NFX1: variants seen among roughly 807,000 people sequenced by gnomAD.
NFX1 encodes the protein transcriptional repressor NF-X1.
A neutral mutation model predicts 137.2 loss-of-function variants in NFX1; 69 were observed. That is an observed-to-expected ratio of 0.50 (90% CI 0.41 to 0.61). The LOEUF is 0.61. NFX1 is among the 20% of genes least tolerant of loss of function. The pLI is 0.00. For synonymous variants in NFX1, 495 were observed against 474.1 expected (o/e 1.04, Z -0.57); for missense variants, 1,167 against 1,391.0 (o/e 0.84, Z 2.56).
intron 2 of NFX1, among the ~76,000 whole-genome samples, chr9:33,296,345 T>G (rs1356634125): frequency 6.6e-6 from 1 of 152,214 alleles, no homozygotes; most frequent in East Asian, 1.9e-4. Context: ...GATTCTACAC[T>G]TTTTTGTCTT....
At chr9:33,309,821 A>G (rs931111808) in intron 5 of NFX1, among the ~76,000 whole-genome samples, 31 of 152,168 alleles carry the variant, frequency 2.0e-4, no homozygotes, top group African/African-American at 7.2e-4. Context: ...AAAGCTCTCC[A>G]GGCACTTCCA....
At chr9:33,304,722 A>G (rs1587823025) in intron 4 of NFX1, among the ~76,000 whole-genome samples, 1 of 152,210 alleles carries the variant, frequency 6.6e-6, no homozygotes, top group East Asian at 1.9e-4. Flanking sequence ...TATTGACAGA[A>G]TCTCAGCCTT....
In NFX1 at chr9:33,295,217, A is replaced by G; in HGVS notation, c.823A>G (p.Arg275Gly). The part of the protein sequence containing the change: ...EGHRHTNAGH[R>G]NNMGPIPKDD... ...CCACCGACATACAAACGCAGGACAC[A>G]GAAACAACATGGGCCCCATTCCAAA... Residue 275 changes from arginine to glycine, a missense_variant, in exon 2 of 24, where the codon AGA becomes GGA. By Grantham distance (125) the Arg-to-Gly change is moderately radical. Coordinates refer to ENST00000379540, the MANE Select transcript of NFX1 (RefSeq NM_002504.6). 1 of 1,614,208 alleles carries G rather than the reference A, an allele frequency of 6.2e-7. No individual in the cohort carries two copies. The highest frequency in any genetic ancestry group is 2.2e-5 in the East Asian group (1 of 44,886).
intron 15 of NFX1, among the ~76,000 whole-genome samples, chr9:33,349,708 G>C (rs1000260013): frequency 6.6e-6 from 1 of 152,076 alleles, no homozygotes; most frequent in Non-Finnish European, 1.5e-5. Flanking sequence ...TCTATCCCCT[G>C]TTGTCTCTTA....
At chr9:33,343,611 T>A (rs958366256) in intron 13 of NFX1, among the ~76,000 whole-genome samples, 1 of 152,220 alleles carries the variant, frequency 6.6e-6, no homozygotes, top group Admixed American at 6.5e-5. Flanking sequence ...GACTCGGTGT[T>A]TTTATTCTCT....
chr9:33,332,447 A>C, intron 10 of NFX1, 25 bp from the exon 11 acceptor site: 1 of 1,587,674 alleles, frequency 6.3e-7, no homozygotes, highest in Non-Finnish European at 8.6e-7. Context: ...TAAAGTAGTT[A>C]CCATTTCTTT....
chr9:33,359,424 C>T (rs1313160073), intron 19 of NFX1, among the ~76,000 whole-genome samples: 2 of 151,970 alleles, frequency 1.3e-5, no homozygotes, highest in Non-Finnish European at 1.5e-5. Context: ...CATGGTGAAA[C>T]CCTGTCTCTA....
chr9:33,292,804 T>C (rs706124), intron 1 of NFX1, among the ~76,000 whole-genome samples: 2,518 of 152,342 alleles, frequency 0.017, 64 homozygotes, highest in African/African-American at 0.057. Context: ...TCTCTAGACA[T>C]CTTTACTGAT....
intron 15 of NFX1, among the ~76,000 whole-genome samples, chr9:33,350,865 G>A (rs373496384): frequency 3.9e-5 from 6 of 152,224 alleles, no homozygotes; most frequent in African/African-American, 1.4e-4. Flanking sequence ...TAAAAACTGA[G>A]CTGAGTGTGG....
chr9:33,331,338 A>G (rs569894298), intron 10 of NFX1, among the ~76,000 whole-genome samples: 1 of 152,228 alleles, frequency 6.6e-6, no homozygotes, highest in East Asian at 1.9e-4. Flanking sequence ...TTTTCATTTC[A>G]TCACTTTGGT....
intron 2 of NFX1, among the ~76,000 whole-genome samples, chr9:33,298,304 G>A (rs1344979468): frequency 6.6e-6 from 1 of 152,192 alleles, no homozygotes; most frequent in Non-Finnish European, 1.5e-5. Flanking sequence ...TCTAGGCAGA[G>A]GGAGGAGCAA....
At chr9:33,336,527 T>G in intron 11 of NFX1, among the ~76,000 whole-genome samples, 1 of 152,226 alleles carries the variant, frequency 6.6e-6, no homozygotes, top group Non-Finnish European at 1.5e-5. Flanking sequence ...TTGGGGCTTT[T>G]TAAATCATAG....
rs773282504 is a variant in NFX1 at position 33,354,107 on chromosome 9, C to T, written c.2751C>T (p.Ala917=). ...TYQRIAAISM[A]SKITDMQLGG... is the part of the protein sequence containing the mutation. Reference sequence around the variant, plus strand: ...TCAGAATAGCTGCAATCTCCATGGCCTCTAAGATAACAGACATGCAGCTTG... The same window carrying T: ...TCAGAATAGCTGCAATCTCCATGGCTTCTAAGATAACAGACATGCAGCTTG... Residue 917 remains alanine, a synonymous_variant, in exon 18 of 24, where the codon GCC becomes GCT. Coordinates refer to ENST00000379540, the MANE Select transcript of NFX1 (RefSeq NM_002504.6). 1.4e-5 allele frequency: 22 copies of T among 1,612,072 alleles called. No individual in the cohort carries two copies. Among genetic ancestry groups the T allele is most frequent in the Non-Finnish European group, 1.8e-5 (21 of 1,179,310 alleles).
chr9:33,300,910 T>C (rs563261235), intron 2 of NFX1, among the ~76,000 whole-genome samples: 1 of 152,370 alleles, frequency 6.6e-6, no homozygotes, highest in African/African-American at 2.4e-5. Context: ...CTGATAGATT[T>C]AGAGGATCCT....
At chr9:33,329,346 C>A (rs929340490) in intron 10 of NFX1, among the ~76,000 whole-genome samples, 1 of 152,184 alleles carries the variant, frequency 6.6e-6, no homozygotes, top group Non-Finnish European at 1.5e-5. Context: ...TGTGGCTAAT[C>A]TCAGTCTCCA....
At chr9:33,332,787 T>C in intron 11 of NFX1, 1 of 326,032 alleles carries the variant, frequency 3.1e-6, no homozygotes, top group East Asian at 5.3e-5. Context: ...TGAAAAAATA[T>C]GTTAATGGTA....
At position 33,318,495 on chromosome 9, in the gene NFX1, T is replaced by G. The variant is rs1050854437; in HGVS notation, c.1589-236T>G. ...GAGGCACTATGAGATATTAATAGTT[T>G]AACAAGGCTTTTTTAATTTCTTCCT... On this transcript the variant is annotated intron_variant, in intron 7 of 23. Transcript: ENST00000379540. 2.6e-5 allele frequency among the ~76,000 whole-genome samples: 4 copies of G among 152,222 alleles called. No individual in the cohort carries two copies. The East Asian group carries it at 7.7e-4, about 29-fold the overall frequency.
intron 18 of NFX1, 97 bp downstream of exon 18, chr9:33,354,284 C>A: frequency 2.1e-6 from 2 of 935,698 alleles, no homozygotes; most frequent in Non-Finnish European, 3.2e-6. Flanking sequence ...CATAGTAGAG[C>A]CTTGCATACA....
chr9:33,336,237 A>T (rs1015605702), intron 11 of NFX1, among the ~76,000 whole-genome samples: 1 of 151,824 alleles, frequency 6.6e-6, no homozygotes, highest in Non-Finnish European at 1.5e-5. Context: ...TTTTTTTGAG[A>T]TGGAGTCCCA....
Sources: allele counts gnomAD v4.1 joint callset (sites outside exome capture counted in the v4.1 genomes callset), GRCh38; gene constraint gnomAD v4.1.1; transcripts MANE v1.5; gene names NCBI Gene and HGNC (gene_info 2026-07-23, HGNC 2026-07-21).